The following AGBL1 variants were observed in gnomAD, a reference collection of about 807,000 sequenced individuals.
AGBL1 encodes AGBL carboxypeptidase 1, also known as cytosolic carboxypeptidase 4.
Under a neutral mutation model 118.9 loss-of-function variants are expected in AGBL1, and 130 were observed. The ratio of observed to expected loss-of-function variants is 1.09; its 90% CI spans 0.95 to 1.26. AGBL1 has a LOEUF of 1.26. Among genes scored for constraint, AGBL1 ranks in the 50% most tolerant of loss-of-function variants. The pLI is 0.00. For missense variants in AGBL1, 1,584 were observed against 1,298.1 expected (o/e 1.22, Z -3.38); for synonymous variants, 555 against 478.9 (o/e 1.16, Z -2.08).
At chr15:86,625,375 TTTTGTTTTTG>T (rs1187304246) in intron 21 of AGBL1, among the ~76,000 whole-genome samples, 596 of 44,556 alleles carry the variant, frequency 0.013, 65 homozygotes, top group East Asian at 0.063. Flanking sequence ...GTTTTTTTTT[TTTTGTTTTTG>T]TTTTTTTTTT....
At chr15:86,820,005 G>C (rs2078917209) in intron 22 of AGBL1, among the ~76,000 whole-genome samples, 1 of 152,142 alleles carries the variant, frequency 6.6e-6, no homozygotes, top group Admixed American at 6.6e-5. Context: ...ACAACCATCT[G>C]ATCTTTGACA....
chr15:86,272,437 G>A (rs920862738), intron 15 of AGBL1, among the ~76,000 whole-genome samples: 1 of 152,142 alleles, frequency 6.6e-6, no homozygotes, highest in Non-Finnish European at 1.5e-5. Context: ...TTAGTTCAGT[G>A]CTAGTTTCTT....
At chr15:86,172,651 C>T (rs566215206) in intron 5 of AGBL1, among the ~76,000 whole-genome samples, 1 of 152,164 alleles carries the variant, frequency 6.6e-6, no homozygotes, top group Non-Finnish European at 1.5e-5. Flanking sequence ...CCTTCAGATC[C>T]ATCCATGTTG....
chr15:86,308,831 G>A (rs752172907), intron 17 of AGBL1, among the ~76,000 whole-genome samples: 1 of 152,142 alleles, frequency 6.6e-6, no homozygotes, highest in Non-Finnish European at 1.5e-5. Context: ...CAGCTTTGTA[G>A]TATATTTTAA....
intron 23 of AGBL1, among the ~76,000 whole-genome samples, chr15:86,950,117 A>G (rs566878006): frequency 6.6e-6 from 1 of 152,170 alleles, no homozygotes; most frequent in South Asian, 2.1e-4. Flanking sequence ...CTATCAAAAT[A>G]TATCTGTTAA....
intron 22 of AGBL1, among the ~76,000 whole-genome samples, chr15:86,789,138 G>A (rs1369702279): frequency 6.6e-6 from 1 of 152,286 alleles, no homozygotes; most frequent in South Asian, 2.1e-4. Context: ...CAGAAATAAG[G>A]TCCTACAAGC....
intron 6 of AGBL1, among the ~76,000 whole-genome samples, chr15:86,237,868 C>T (rs1042379046): frequency 3.9e-5 from 6 of 152,202 alleles, no homozygotes; most frequent in Non-Finnish European, 8.8e-5. Flanking sequence ...GATCCCTGCT[C>T]ACCTTTCCCG....
At chr15:86,985,397 T>G (rs2081271640) in intron 23 of AGBL1, among the ~76,000 whole-genome samples, 1 of 152,224 alleles carries the variant, frequency 6.6e-6, no homozygotes, top group Admixed American at 6.5e-5. Flanking sequence ...TCATCAGCAT[T>G]TGGCATCGTC....
intron 3 of AGBL1, among the ~76,000 whole-genome samples, chr15:86,149,976 C>T (rs1320081349): frequency 6.6e-6 from 1 of 152,210 alleles, no homozygotes; most frequent in African/African-American, 2.4e-5. Flanking sequence ...AAGAAACTCA[C>T]TCAAAACCGC....
intron 17 of AGBL1, among the ~76,000 whole-genome samples, chr15:86,396,059 GACAGA>G: frequency 6.6e-6 from 1 of 150,936 alleles, no homozygotes. Flanking sequence ...TGCTGAAAAT[GACAGA>G]ATTCCATTTT....
At chr15:86,699,315 A>AT (rs1170152407) in intron 22 of AGBL1, among the ~76,000 whole-genome samples, 2 of 152,040 alleles carry the variant, frequency 1.3e-5, no homozygotes, top group Non-Finnish European at 2.9e-5. Context: ...ATTTCCTAAA[A>AT]ATATATATTC....
intron 4 of AGBL1, among the ~76,000 whole-genome samples, chr15:86,157,392 G>A (rs993135693): frequency 2.6e-5 from 4 of 152,134 alleles, no homozygotes; most frequent in African/African-American, 7.2e-5. Context: ...CCAGCAGAGC[G>A]AAATTTGAAG....
At chr15:86,884,908 G>A (rs1444732905) in intron 22 of AGBL1, among the ~76,000 whole-genome samples, 3 of 152,182 alleles carry the variant, frequency 2.0e-5, no homozygotes, top group African/African-American at 7.2e-5. Context: ...CTCGGATACG[G>A]AAGATGTGCT....
intron 22 of AGBL1, among the ~76,000 whole-genome samples, chr15:86,778,251 C>T (rs2141301828): frequency 6.6e-6 from 1 of 152,252 alleles, no homozygotes; most frequent in Non-Finnish European, 1.5e-5. Flanking sequence ...AGGGCGAGAT[C>T]ACAGGACCAT....
At chr15:86,450,856 A>C (rs2082184206) in intron 18 of AGBL1, among the ~76,000 whole-genome samples, 1 of 152,194 alleles carries the variant, frequency 6.6e-6, no homozygotes, top group Non-Finnish European at 1.5e-5. Context: ...CATTATTAAT[A>C]ATATTTTATT....
rs117626372 is a variant in AGBL1 at position 86,876,738 on chromosome 15, A to C, written c.3159-30349A>C. On this transcript the variant is annotated intron_variant, in intron 22 of 22. Transcript: ENST00000614907. ...TGAACACTGGGTATGGCTGCATTCC[A>C]AAACAAGAAAATATATATTTACAAA... Among the ~76,000 whole-genome samples the C allele has an allele frequency of 5.5e-3, 834 of 152,316 alleles. 2 individuals are homozygous for C. Among genetic ancestry groups the C allele is most frequent in the Non-Finnish European group, 8.7e-3 (591 of 68,016 alleles).
chr15:86,253,695 A>T (rs1366966827), intron 7 of AGBL1, among the ~76,000 whole-genome samples: 1 of 152,204 alleles, frequency 6.6e-6, no homozygotes, highest in South Asian at 2.1e-4. Context: ...GACCCGATAC[A>T]GTTTATGTGT....
At chr15:86,768,606 A>G (rs140337487) in intron 22 of AGBL1, among the ~76,000 whole-genome samples, 11 of 152,068 alleles carry the variant, frequency 7.2e-5, no homozygotes, top group South Asian at 2.1e-4. Context: ...TCAGCAACGT[A>G]GGGAAGCCTG....
intron 22 of AGBL1, among the ~76,000 whole-genome samples, chr15:86,716,078 A>AAT (rs1344985488): frequency 6.6e-6 from 1 of 151,918 alleles, no homozygotes; most frequent in Non-Finnish European, 1.5e-5. Flanking sequence ...AAAAAAAAAA[A>AAT]AAAAGAAATC....
Sources: gnomAD v4.1 joint callset for allele counts (sites outside exome capture counted in the v4.1 genomes callset) on GRCh38, gnomAD v4.1.1 for gene constraint, MANE v1.5 for transcripts, NCBI Gene and HGNC (gene_info 2026-07-23, HGNC 2026-07-21) for gene names.